The following PAWR variants were observed in gnomAD, a reference collection of about 807,000 sequenced individuals.
PAWR encodes PRKC apoptosis WT1 regulator protein.
A neutral mutation model predicts 32.0 loss-of-function variants in PAWR; 23 were observed. The observed-to-expected ratio is 0.72, with a 90% CI of 0.52 to 1.02. The LOEUF (loss-of-function observed/expected upper bound fraction) is 1.02, where lower values mean the gene tolerates loss of function less well. Among genes scored for constraint, PAWR ranks in the 50% least tolerant of loss-of-function variants. PAWR has a pLI of 0.00. For synonymous variants in PAWR, 226 were observed against 187.1 expected, an observed-to-expected ratio of 1.21 and a Z score of -1.70; for missense variants, 457 against 437.7, an observed-to-expected ratio of 1.04 and a Z score of -0.39.
chr12:79,642,930 T>C (rs1343119776), intron 2 of PAWR, among the ~76,000 whole-genome samples: 2 of 152,188 alleles, frequency 1.3e-5, no homozygotes, highest in Non-Finnish European at 2.9e-5. Flanking sequence ...AACAAAACCA[T>C]ACCAGCTCTT....
intron 2 of PAWR, among the ~76,000 whole-genome samples, chr12:79,651,530 A>G (rs1876843810): frequency 6.6e-6 from 1 of 152,152 alleles, no homozygotes; most frequent in Non-Finnish European, 1.5e-5. Flanking sequence ...TGGCCAGATG[A>G]TCAGGCTATT....
Position 79,587,559 on chromosome 12 carries a change from T to G in PAWR, c.*5048A>C, listed in dbSNP as rs1873420557. On this transcript the variant is annotated 3_prime_UTR_variant, in exon 7 of 7. Coordinates refer to ENST00000328827, the MANE Select transcript of PAWR (RefSeq NM_002583.4). ...TCAGGCTGAACTTTTGTGCACTTCC[T>G]CATTTATTCGAGAAACCCCACCACT... is the stretch of plus-strand genomic sequence containing the variant. 1 of 152,002 alleles carries G rather than the reference T, an allele frequency of 6.6e-6. No individual in the cohort carries two copies. The highest frequency in any genetic ancestry group is 6.6e-5 in the Admixed American group (1 of 15,262). The allele number at this position is 152,002 out of a possible 1,614,324, so 9.4% of individuals were successfully genotyped here.
intron 5 of PAWR, among the ~76,000 whole-genome samples, chr12:79,595,912 C>G (rs8176903): frequency 2.4e-4 from 37 of 152,020 alleles, no homozygotes; most frequent in African/African-American, 8.9e-4. Context: ...CAAGAAGAAA[C>G]TGTTGTTAAA....
At chr12:79,608,187 T>C (rs112146956) in intron 4 of PAWR, among the ~76,000 whole-genome samples, 2 of 152,182 alleles carry the variant, frequency 1.3e-5, no homozygotes, top group African/African-American at 4.8e-5. Flanking sequence ...TTCTAGTCGG[T>C]TTCTTATGAA....
chr12:79,675,501 T>C (rs1276216865), intron 2 of PAWR, among the ~76,000 whole-genome samples: 1 of 152,014 alleles, frequency 6.6e-6, no homozygotes, highest in Non-Finnish European at 1.5e-5. Flanking sequence ...CCATCAACAG[T>C]TGATTGGATA....
chr12:79,604,337 A>C (rs948747157), intron 4 of PAWR: 3 of 1,005,992 alleles, frequency 3.0e-6, no homozygotes, highest in Non-Finnish European at 3.6e-6. Context: ...CCTTACTGGA[A>C]GTTTTCCCCC....
rs1025749975 is a variant in PAWR, at chr12:79,600,648, C to CTTTT, written c.684-3994_684-3991dup. The stretch of plus-strand genomic sequence containing the variant: ...AGGCATATGCCACCACCATACCTGG[C>CTTTT]TTTTTTTTTTTTTTTTTTTTTTGTA... On this transcript the variant is annotated intron_variant, in intron 4 of 6. Transcript: ENST00000328827. Among the ~76,000 whole-genome samples the CTTTT allele has an allele frequency of 4.3e-3, 439 of 102,348 alleles. 1 individual carries two copies. The highest frequency in any genetic ancestry group is 0.012 in the African/African-American group (277 of 22,224). The allele number at this position is 102,348 out of a possible 152,430, so 67.1% of individuals were successfully genotyped here. A position where few individuals can be genotyped will look rare whatever the true frequency, so the allele number is the denominator to read the frequency against.
At chr12:79,676,151 G>A (rs1021159052) in intron 2 of PAWR, among the ~76,000 whole-genome samples, 4 of 151,956 alleles carry the variant, frequency 2.6e-5, no homozygotes, top group African/African-American at 9.7e-5. Context: ...AATAATAATA[G>A]CAGTGACCCA....
At chr12:79,638,466 T>G (rs557287353) in intron 2 of PAWR, among the ~76,000 whole-genome samples, 2 of 152,122 alleles carry the variant, frequency 1.3e-5, no homozygotes, top group Admixed American at 1.3e-4. Context: ...AATTTCTCCC[T>G]GTGGTTCTAT....
At chr12:79,594,516 T>G in intron 5 of PAWR, 83 bp from the exon 6 acceptor site, 1 of 669,262 alleles carries the variant, frequency 1.5e-6, no homozygotes, top group Non-Finnish European at 2.6e-6. Flanking sequence ...CTCCCCAATT[T>G]GGTAAAATAT....
intron 2 of PAWR, among the ~76,000 whole-genome samples, chr12:79,651,704 G>A (rs1003347421): frequency 8.6e-5 from 13 of 151,506 alleles, no homozygotes; most frequent in Non-Finnish European, 1.9e-4. Flanking sequence ...AAAAAATGGC[G>A]GGGGCTGGGG....
chr12:79,622,961 C>T (rs1875096568), intron 2 of PAWR, among the ~76,000 whole-genome samples: 1 of 152,048 alleles, frequency 6.6e-6, no homozygotes, highest in Non-Finnish European at 1.5e-5. Flanking sequence ...AATAGATAAC[C>T]CAAGAAGTTT....
intron 4 of PAWR, among the ~76,000 whole-genome samples, chr12:79,603,000 G>C (rs758528722): frequency 2.0e-5 from 3 of 152,078 alleles, no homozygotes; most frequent in Non-Finnish European, 4.4e-5. Context: ...TCAGCACTTT[G>C]GGGGGCCAAG....
intron 4 of PAWR, among the ~76,000 whole-genome samples, chr12:79,612,819 A>C (rs567528134): frequency 1.3e-4 from 20 of 152,274 alleles, no homozygotes; most frequent in African/African-American, 4.8e-4. Context: ...ACCTCCACTG[A>C]AAAACTTCTT....
chr12:79,651,044 T>C (rs1287299411), intron 2 of PAWR, among the ~76,000 whole-genome samples: 1 of 152,212 alleles, frequency 6.6e-6, no homozygotes, highest in Non-Finnish European at 1.5e-5. Context: ...ATAAGGCCAG[T>C]ACAATAGGAA....
rs375097741 is a variant in PAWR at position 79,662,877 on chromosome 12, G to A, written c.516+26852C>T. On this transcript the variant is annotated intron_variant, in intron 2 of 6. Coordinates refer to ENST00000328827, the MANE Select transcript of PAWR (RefSeq NM_002583.4). Reference sequence around the variant, plus strand: ...TAAAGTGCTAATTATTAATCACAAGGAAATAATTAAAATGATTCTATGGTA... The same window carrying A: ...TAAAGTGCTAATTATTAATCACAAGAAAATAATTAAAATGATTCTATGGTA... Among the ~76,000 whole-genome samples the A allele has an allele frequency of 7.2e-5, 11 of 152,130 alleles. 1 individual carries two copies. The highest frequency in any genetic ancestry group is 3.9e-4 in the Admixed American group (6 of 15,284).
At chr12:79,665,408 C>G (rs1180531799) in intron 2 of PAWR, among the ~76,000 whole-genome samples, 2 of 152,190 alleles carry the variant, frequency 1.3e-5, no homozygotes, top group East Asian at 3.8e-4. Flanking sequence ...ACATCTAACC[C>G]ACATTAAATG....
At position 79,596,568 on chromosome 12, in the gene PAWR, A is replaced by C; in HGVS notation, c.774T>G (p.Val258=). The change falls in exon 5 of 7, where the codon GTT becomes GTG. Residue 258 remains valine, a synonymous_variant. Coordinates refer to ENST00000328827, the MANE Select transcript of PAWR (RefSeq NM_002583.4). The stretch of plus-strand genomic sequence containing the variant: ...TGCTACTTGAAACCAGAGTACCTGA[A>C]ACATTTGCATCCCTGTTATATCTAG... The part of the protein sequence containing the change: ...GFPRYNRDAN[V]SGTLVSSSTL... 1 of 1,599,098 alleles carries C rather than the reference A, an allele frequency of 6.3e-7. No homozygotes were observed. Among genetic ancestry groups the C allele is most frequent in the Non-Finnish European group, 8.6e-7 (1 of 1,168,168 alleles).
chr12:79,669,778 G>A (rs553178288), intron 2 of PAWR, among the ~76,000 whole-genome samples: 1 of 151,744 alleles, frequency 6.6e-6, no homozygotes, highest in South Asian at 2.1e-4. Flanking sequence ...TGTCACCCAG[G>A]CTGGAGTACA....
Sources: allele counts gnomAD v4.1 joint callset (sites outside exome capture counted in the v4.1 genomes callset), GRCh38; gene constraint gnomAD v4.1.1; transcripts MANE v1.5; gene names NCBI Gene and HGNC (gene_info 2026-07-23, HGNC 2026-07-21).